Variants in RAB34 observed in about 807,000 individuals in gnomAD.
RAB34 encodes the protein ras-related protein Rab-34.
RAB34 carries 33 observed loss-of-function variants against 39.0 expected under a neutral mutation model. The ratio of observed to expected loss-of-function variants is 0.85; its 90% CI spans 0.64 to 1.13. RAB34 has a LOEUF of 1.13. Among genes scored for constraint, RAB34 ranks in the 50% most tolerant of loss-of-function variants. The pLI is 0.00. For synonymous variants in RAB34, 135 were observed against 125.1 expected, an observed-to-expected ratio of 1.08 and a Z score of -0.53; for missense variants, 289 against 326.1, an observed-to-expected ratio of 0.89 and a Z score of 0.88.
Position 28,714,834 on chromosome 17 carries a change from T to A in RAB34, c.671A>T (p.Glu224Val). 6.2e-7 allele frequency: 1 copy of A among 1,614,148 alleles called. No homozygotes were observed. The highest frequency in any genetic ancestry group is 8.5e-7 in the Non-Finnish European group (1 of 1,180,036). Residue 224 changes from glutamate to valine, a missense_variant, in exon 9 of 10, where the codon GAG becomes GTG. Coordinates refer to ENST00000395245, the MANE Select transcript of RAB34 (RefSeq NM_031934.6). ...ALTFEANVLA[E>V]LEKSGARRIG... ...GCGTCGAGCCCCCGATTTCTCCAGC[T>A]CAGCCAGCACATTGGCCTCAAAGGT...
In RAB34 at chr17:28,716,908, G is replaced by T. The variant is rs758002535; in HGVS notation, c.141C>A (p.Thr47=). ...TGTGGGTGTCCCTAACTCACCCCAC[G>T]GTGCCTGTCCGGTGCTCCTGGCAGG... ...TCACQEHRTG[T]VGFKISKVIV... is the part of the protein sequence containing the mutation. Residue 47 remains threonine, a synonymous_variant, in exon 2 of 10, where the codon ACC becomes ACA. Transcript: ENST00000395245. 1.9e-6 allele frequency: 3 copies of T among 1,612,264 alleles called. No homozygotes were observed. Among genetic ancestry groups the T allele is most frequent in the East Asian group, 2.2e-5 (1 of 44,846 alleles).
chr17:28,718,369 C>T, upstream of RAB34: 2 of 945,134 alleles, frequency 2.1e-6, no homozygotes, highest in Admixed American at 3.1e-5. Context: ...GAGGTGCCCA[C>T]CGAGGAGAGA....
At chr17:28,718,350 G>C, upstream of RAB34, 1 of 1,226,096 alleles carries the variant, frequency 8.2e-7, no homozygotes, top group Admixed American at 2.8e-5. Flanking sequence ...GGGGTGCCAG[G>C]GTTAGAATGA....
At chr17:28,715,421 G>A (rs368165035) in intron 6 of RAB34, 35 bp downstream of exon 6, 183 of 1,612,036 alleles carry the variant, frequency 1.1e-4, no homozygotes, top group South Asian at 1.9e-4. Flanking sequence ...CTCTCTTCCC[G>A]GAGCCTCCCA....
At chr17:28,715,323 C>T (rs2033183461) in intron 6 of RAB34, 47 bp from the exon 7 acceptor site, 3 of 1,592,396 alleles carry the variant, frequency 1.9e-6, no homozygotes, top group East Asian at 2.2e-5. Context: ...CTGCAGGGCC[C>T]CTCCCACTGA....
Position 28,717,290 on chromosome 17 carries a change from C to T in RAB34, c.-24G>A. The T allele has an allele frequency of 6.3e-7, 1 of 1,587,230 alleles. No homozygotes were observed. The highest frequency in any genetic ancestry group is 8.5e-7 in the Non-Finnish European group (1 of 1,170,272). ...ATCCTGCCTGCGGCCTTGCAGGGCG[C>T]CCTGAGAAGGCGCCGAGGCCGGATC... is the stretch of plus-strand genomic sequence containing the variant. On this transcript the variant is annotated 5_prime_UTR_variant, in exon 1 of 10. Transcript: ENST00000395245.
Position 28,717,236 on chromosome 17 carries a change from G to A in RAB34, c.31C>T (p.Arg11Cys). ...ACCTGGGGCAGCTCCGCCAGGACGCGATCCCTCCGCACGGGTGCCAGAATG... is the reference window on the plus strand; with the variant it reads ...ACCTGGGGCAGCTCCGCCAGGACGCAATCCCTCCGCACGGGTGCCAGAATG... MNILAPVRRD[R>C]VLAELPQCLR... The change falls in exon 1 of 10, where the codon CGC becomes TGC. Residue 11 changes from arginine (R) to cysteine (C), a missense_variant. Arg to Cys is a radical substitution (Grantham distance 180). Coordinates refer to ENST00000395245, the MANE Select transcript of RAB34 (RefSeq NM_031934.6). 1 of 1,606,028 alleles carries A rather than the reference G, an allele frequency of 6.2e-7. No homozygotes were observed.
At chr17:28,718,070 C>T, upstream of RAB34, 1 of 1,535,196 alleles carries the variant, frequency 6.5e-7, no homozygotes, top group Non-Finnish European at 8.8e-7. Context: ...ACTCCCCAGG[C>T]TGCTCTCCCC....
Position 28,714,677 on chromosome 17 carries a change from G to C in RAB34, c.746C>G (p.Thr249Ser), listed in dbSNP as rs535052273. 6.2e-7 allele frequency: 1 copy of C among 1,614,166 alleles called. No homozygotes were observed. The highest frequency in any genetic ancestry group is 8.5e-7 in the Non-Finnish European group (1 of 1,180,038). ...ACATGTGGGCTTCTTCTTGCTGGCA[G>C]TTAGGTAGAGGTTGCTGTCATCACT... ...INSDDSNLYL[T>S]ASKKKPTCCP Residue 249 changes from threonine to serine, a missense_variant, in exon 10 of 10, where the codon ACT becomes AGT. By Grantham distance (58) the Thr-to-Ser change is moderately conservative. Coordinates refer to ENST00000395245, the MANE Select transcript of RAB34 (RefSeq NM_031934.6).
chr17:28,718,265 CAT>C (rs1191470592), upstream of RAB34: 1 of 1,548,964 alleles, frequency 6.5e-7, no homozygotes, highest in Non-Finnish European at 8.7e-7. Context: ...GGAGGTGACT[CAT>C]AGAGTCTGCC....
At chr17:28,715,307 G>A (rs1174000286) in intron 6 of RAB34, 31 bp from the exon 7 acceptor site, 1 of 1,604,744 alleles carries the variant, frequency 6.2e-7, no homozygotes, top group Non-Finnish European at 8.5e-7. Context: ...TAAGGGATGA[G>A]TGAGTCTGCA....
chr17:28,717,519 T>A lies in RAB34; in HGVS notation c.-253A>T, dbSNP rs1421310689. 7.0e-7 allele frequency: 1 copy of A among 1,423,958 alleles called. No individual in the cohort carries two copies. Among genetic ancestry groups the A allele is most frequent in the African/African-American group, 1.5e-5 (1 of 67,614 alleles). 88.2% of individuals were successfully genotyped at this position (1,423,958 alleles called of 1,614,324 possible). On this transcript the variant is annotated 5_prime_UTR_variant, in exon 1 of 10. An upstream open reading frame in the 5' UTR gains an earlier in-frame stop. Transcript: ENST00000395245. The stretch of plus-strand genomic sequence containing the variant: ...GCCCTGGGCGTCCCGAAGATGACTC[T>A]GGGGCGAGGAGACTCTTCGGCCGCC...
chr17:28,716,806 G>A (rs2033527243), intron 2 of RAB34, 97 bp downstream of exon 2: 1 of 1,381,070 alleles, frequency 7.2e-7, no homozygotes, highest in East Asian at 2.4e-5. Flanking sequence ...GCTGGTAGGG[G>A]CTGAAATGAA....
rs1437347433 is a variant in RAB34, at chr17:28,717,296, G to T, written c.-30C>A. On this transcript the variant is annotated 5_prime_UTR_variant, in exon 1 of 10. Coordinates refer to ENST00000395245, the MANE Select transcript of RAB34 (RefSeq NM_031934.6). Reference sequence around the variant, plus strand: ...CCTGCGGCCTTGCAGGGCGCCCTGAGAAGGCGCCGAGGCCGGATCCGCGTC... The same window carrying T: ...CCTGCGGCCTTGCAGGGCGCCCTGATAAGGCGCCGAGGCCGGATCCGCGTC... 1 of 1,575,018 alleles carries T rather than the reference G, an allele frequency of 6.3e-7. No homozygotes were observed. The highest frequency in any genetic ancestry group is 8.6e-7 in the Non-Finnish European group (1 of 1,164,378).
In RAB34 at chr17:28,716,036, C is replaced by T; in HGVS notation, c.169G>A (p.Val57Met). The change falls in exon 3 of 10, where the codon GTG becomes ATG. Residue 57 changes from valine to methionine, a missense_variant. Val to Met is a conservative substitution (Grantham distance 21, BLOSUM62 1). Coordinates refer to ENST00000395245, the MANE Select transcript of RAB34 (RefSeq NM_031934.6). Reference protein sequence around the residue: ...TVGFKISKVIVVGDLSVGKTC... With the variant: ...TVGFKISKVIMVGDLSVGKTC... ...TTCCCCACCGACAGGTCCCCCACCA[C>T]AATGACCTTGGAGATCTTAAATCTG... 1 of 1,614,034 alleles carries T rather than the reference C, an allele frequency of 6.2e-7. No individual in the cohort carries two copies. Among genetic ancestry groups the T allele is most frequent in the African/African-American group, 1.3e-5 (1 of 75,010 alleles).
rs746477626 is a variant in RAB34 at position 28,716,946 on chromosome 17, G to A, written c.103C>T (p.Arg35Cys). 3.7e-6 allele frequency: 6 copies of A among 1,613,554 alleles called. No individual in the cohort carries two copies. The highest frequency in any genetic ancestry group is 1.7e-4 in the Middle Eastern group (1 of 5,778). The change falls in exon 2 of 10, where the codon CGC becomes TGC. Residue 35 changes from arginine to cysteine, a missense_variant. Arg to Cys is a radical substitution (Grantham distance 180). Coordinates refer to ENST00000395245, the MANE Select transcript of RAB34 (RefSeq NM_031934.6). ...ALHGHKDFHPRVTCACQEHRT... is the reference protein window; with the variant it reads ...ALHGHKDFHPCVTCACQEHRT... Reference sequence around the variant, plus strand: ...TGCTCCTGGCAGGCGCAGGTGACGCGGGGGTGGAAGTCTTTGTGCCCGTGC... The same window carrying A: ...TGCTCCTGGCAGGCGCAGGTGACGCAGGGGTGGAAGTCTTTGTGCCCGTGC...
chr17:28,717,170 C>T, intron 1 of RAB34, 43 bp downstream of exon 1: 1 of 1,569,298 alleles, frequency 6.4e-7, no homozygotes, highest in Non-Finnish European at 8.6e-7. Flanking sequence ...CTCGCCCACA[C>T]CCCGGGCTGT....
rs1197648010 is a variant in RAB34, at chr17:28,717,409, C to T, written c.-143G>A. 4 of 1,504,652 alleles carry T rather than the reference C, an allele frequency of 2.7e-6. No individual in the cohort carries two copies. The highest frequency in any genetic ancestry group is 2.7e-6 in the Non-Finnish European group (3 of 1,126,498). The allele number at this position is 1,504,652 out of a possible 1,614,324, so 93.2% of individuals were successfully genotyped here. On this transcript the variant is annotated 5_prime_UTR_variant, in exon 1 of 10. Coordinates refer to ENST00000395245, the MANE Select transcript of RAB34 (RefSeq NM_031934.6). The stretch of plus-strand genomic sequence containing the variant: ...GGGGCCACGGGGACCCTACGGGAGT[C>T]CGCGGTCTCGGAGACGCTACGACCA...
chr17:28,715,762 G>T, intron 4 of RAB34, 38 bp downstream of exon 4: 2 of 1,612,360 alleles, frequency 1.2e-6, no homozygotes, highest in South Asian at 2.2e-5. Flanking sequence ...TGGGTGCTGG[G>T]GAGAAGGGAT....
Sources: allele counts gnomAD v4.1 joint callset, GRCh38; gene constraint gnomAD v4.1.1; transcripts MANE v1.5; gene names NCBI Gene and HGNC (gene_info 2026-07-23, HGNC 2026-07-21).